GLYATL1: variants seen among roughly 807,000 people sequenced by gnomAD.
GLYATL1 encodes glycine-N-acyltransferase like 1, also known as glycine N-acyltransferase-like protein 1.
In GLYATL1, 15 loss-of-function variants were observed where a neutral mutation model predicts 20.0. That is an observed-to-expected ratio of 0.75 (90% confidence interval 0.50 to 1.15). The LOEUF is 1.15. Ranked by LOEUF, GLYATL1 falls within the 50% of genes most tolerant of loss-of-function variation. GLYATL1 has a pLI of 0.00. For synonymous variants in GLYATL1, 151 were observed against 131.5 expected, an observed-to-expected ratio of 1.15 and a Z score of -1.01; for missense variants, 380 against 368.5, an observed-to-expected ratio of 1.03 and a Z score of -0.26.
intron 4 of GLYATL1, among the ~76,000 whole-genome samples, chr11:58,952,073 C>T (rs567681059): frequency 6.6e-6 from 1 of 151,856 alleles, no homozygotes; most frequent in African/African-American, 2.4e-5. Context: ...ATACTTGTCT[C>T]ATCCCTGATT....
At chr11:58,916,882 G>A (rs1315055913) in intron 1 of GLYATL1, 1 of 152,250 alleles carries the variant, frequency 6.6e-6, no homozygotes, top group Non-Finnish European at 1.5e-5. Flanking sequence ...GAGAGCACTG[G>A]TTGCAGAATT....
upstream of GLYATL1, among the ~76,000 whole-genome samples, chr11:58,936,825 C>G (rs1033774193): frequency 6.6e-6 from 1 of 152,180 alleles, no homozygotes; most frequent in African/African-American, 2.4e-5. Flanking sequence ...CTTCTCAGTT[C>G]CCTGATCTAG....
downstream of GLYATL1, among the ~76,000 whole-genome samples, chr11:58,911,442 G>A (rs149983960): frequency 1.0e-3 from 159 of 152,214 alleles, no homozygotes; most frequent in Middle Eastern, 6.8e-3. Flanking sequence ...TTGCATCCTC[G>A]CTACCAATGT....
Position 58,942,996 on chromosome 11 carries a change from T to G in GLYATL1, c.-166-547T>G, listed in dbSNP as rs1856278869. ...TTAATAACACAGAGATCCCTGATGG[T>G]TTTAAAAAGTGTTTCAGTAGAATGG... On this transcript the variant is annotated intron_variant, in intron 1 of 6. Transcript: ENST00000532726. 2.6e-5 allele frequency among the ~76,000 whole-genome samples: 4 copies of G among 152,134 alleles called. No homozygotes were observed. The South Asian group carries it at 8.3e-4, about 31-fold the overall frequency.
upstream of GLYATL1, among the ~76,000 whole-genome samples, chr11:58,922,873 G>GTCA (rs754290224): frequency 1.8e-4 from 27 of 152,150 alleles, no homozygotes; most frequent in Non-Finnish European, 3.5e-4. Flanking sequence ...TCCAACCGTG[G>GTCA]TCATCACCTT....
At chr11:58,945,867 C>T (rs956398447) in intron 2 of GLYATL1, among the ~76,000 whole-genome samples, 1 of 152,100 alleles carries the variant, frequency 6.6e-6, no homozygotes, top group African/African-American at 2.4e-5. Context: ...CAAAAGGATG[C>T]CTTTGTTTAA....
intron 1 of GLYATL1, among the ~76,000 whole-genome samples, chr11:58,906,228 C>A (rs935640831): frequency 6.6e-6 from 1 of 152,150 alleles, no homozygotes; most frequent in African/African-American, 2.4e-5. Context: ...AGCTGGGCCC[C>A]GCCCGTTGTG....
At chr11:58,909,405 A>T (rs1479533639), downstream of GLYATL1, among the ~76,000 whole-genome samples, 1 of 152,198 alleles carries the variant, frequency 6.6e-6, no homozygotes, top group Admixed American at 6.5e-5. Flanking sequence ...TACAAAAGTA[A>T]TAAATGAGGG....
At chr11:58,945,212 G>T (rs923845353) in intron 2 of GLYATL1, among the ~76,000 whole-genome samples, 1 of 151,930 alleles carries the variant, frequency 6.6e-6, no homozygotes, top group Non-Finnish European at 1.5e-5. Context: ...ATGGTTAAAC[G>T]GTTAGTTTTG....
upstream of GLYATL1, chr11:58,935,420 G>A (rs1265077358): frequency 6.6e-6 from 1 of 152,168 alleles, no homozygotes; most frequent in African/African-American, 2.4e-5. Context: ...TGGGAGGGGT[G>A]ACACAGGAAA....
chr11:58,928,874 A>G (rs1179997530), intron 1 of GLYATL1, among the ~76,000 whole-genome samples: 2 of 152,056 alleles, frequency 1.3e-5, no homozygotes, highest in Non-Finnish European at 2.9e-5. Flanking sequence ...TGGTCAAACT[A>G]CCCCCAAGAG....
At chr11:58,932,656 A>G (rs1330511306) in intron 1 of GLYATL1, among the ~76,000 whole-genome samples, 2 of 152,252 alleles carry the variant, frequency 1.3e-5, no homozygotes, top group Admixed American at 6.5e-5. Context: ...AGAGAATTTC[A>G]TCAACTACAA....
upstream of GLYATL1, among the ~76,000 whole-genome samples, chr11:58,924,062 C>A (rs1364352352): frequency 6.6e-6 from 1 of 152,204 alleles, no homozygotes; most frequent in East Asian, 1.9e-4. Flanking sequence ...GACACTGATA[C>A]TCTGTTTTGC....
At chr11:58,935,066 G>T (rs994926411), upstream of GLYATL1, 1 of 153,204 alleles carries the variant, frequency 6.5e-6, no homozygotes, top group African/African-American at 2.4e-5. Context: ...GAAACCTGGA[G>T]TTGTCGAGGC....
chr11:58,923,823 A>C (rs766925303), upstream of GLYATL1, among the ~76,000 whole-genome samples: 8 of 152,192 alleles, frequency 5.3e-5, no homozygotes, highest in Admixed American at 2.6e-4. Flanking sequence ...TTTAAGACAA[A>C]AGTCTGGCAT....
chr11:58,951,672 A>T (rs2135256143), intron 4 of GLYATL1, among the ~76,000 whole-genome samples: 1 of 152,170 alleles, frequency 6.6e-6, no homozygotes, highest in African/African-American at 2.4e-5. Flanking sequence ...TTCAGTTTGC[A>T]TTCTATGCCA....
chr11:58,917,624 G>T (rs1855206016), intron 1 of GLYATL1, among the ~76,000 whole-genome samples: 1 of 152,182 alleles, frequency 6.6e-6, no homozygotes. Flanking sequence ...CATAACTTTT[G>T]CTATGGTGCC....
At chr11:58,926,336 T>C (rs1261682848), upstream of GLYATL1, among the ~76,000 whole-genome samples, 4 of 152,202 alleles carry the variant, frequency 2.6e-5, no homozygotes, top group Non-Finnish European at 5.9e-5. Context: ...TGCTCGTTCA[T>C]TGACATAAGC....
intron 4 of GLYATL1, among the ~76,000 whole-genome samples, chr11:58,953,514 G>A (rs1857161560): frequency 6.7e-6 from 1 of 149,324 alleles, no homozygotes. Flanking sequence ...TGAACTTTTG[G>A]CTTTATATAT....
Sources: gnomAD v4.1 joint callset for allele counts (sites outside exome capture counted in the v4.1 genomes callset) on GRCh38, gnomAD v4.1.1 for gene constraint, MANE v1.5 for transcripts, NCBI Gene and HGNC (gene_info 2026-07-23, HGNC 2026-07-21) for gene names.